Variants in MLF2 observed in about 807,000 individuals in gnomAD.
The protein encoded by MLF2 is myelodysplasia-myeloid leukemia factor 2.
In MLF2, 12 loss-of-function variants were observed where a neutral mutation model predicts 31.4. The ratio of observed to expected loss-of-function variants is 0.38; its 90% confidence interval spans 0.24 to 0.62. MLF2 has a LOEUF of 0.62. Ranked by LOEUF, MLF2 falls within the 20% of genes least tolerant of loss-of-function variation. MLF2 has a pLI of 0.58. For synonymous variants in MLF2, 109 were observed against 118.8 expected, an observed-to-expected ratio of 0.92 and a Z score of 0.54; for missense variants, 272 against 359.7, an observed-to-expected ratio of 0.76 and a Z score of 1.97.
chr12:6,750,762 C>A lies in MLF2; in HGVS notation c.221G>T (p.Gly74Val). Residue 74 changes from glycine to valine, a missense_variant, in exon 5 of 9, where the codon GGT becomes GTT. Physicochemically the swap from Gly to Val is moderately radical, Grantham distance 109 (BLOSUM62 -3). Transcript: ENST00000203630. The surrounding 1 kb of genome is among the most constrained non-coding windows in gnomAD (Gnocchi z 5.3). ...VSPFGMLGMS[G>V]GFMDMFGMMN... ...CATCCCAAACATGTCCATGAAACCACCCGACTGGAGGAAAGAGATGGAAAA... is the reference window on the plus strand; with the variant it reads ...CATCCCAAACATGTCCATGAAACCAACCGACTGGAGGAAAGAGATGGAAAA... 1 of 1,613,978 alleles carries A rather than the reference C, an allele frequency of 6.2e-7. No individual in the cohort carries two copies. The highest frequency in any genetic ancestry group is 8.5e-7 in the Non-Finnish European group (1 of 1,179,934).
Position 6,749,014 on chromosome 12 carries a change from G to T in MLF2, c.560-32C>A, listed in dbSNP as rs1489322230. The T allele has an allele frequency of 3.3e-6, 5 of 1,517,268 alleles. No homozygotes were observed. Among genetic ancestry groups the T allele is most frequent in the Non-Finnish European group, 3.5e-6 (4 of 1,141,206 alleles). The allele number at this position is 1,517,268 out of a possible 1,614,324, so 94.0% of individuals were successfully genotyped here. A position where few individuals can be genotyped will look rare whatever the true frequency, so the allele number is the denominator to read the frequency against. On this transcript the variant is annotated intron_variant, in intron 7 of 8. Transcript: ENST00000203630. The surrounding 1 kb of genome is among the most constrained non-coding windows in gnomAD (Gnocchi z 5.3). ...AGGACAGAGCGGACATGAGGCCTGT[G>T]TGCGGCCTGGCTCCTGGAGGCCGAT...
Position 6,748,961 on chromosome 12 carries a change from T to A in MLF2, c.581A>T (p.Asp194Val), listed in dbSNP as rs1434896717. The A allele has an allele frequency of 6.2e-7, 1 of 1,600,248 alleles. No individual in the cohort carries two copies. The highest frequency in any genetic ancestry group is 8.5e-7 in the Non-Finnish European group (1 of 1,174,080). Reference sequence around the variant, plus strand: ...TCGGGAGGTCTCCCGCCGCCACTCGTCATCAAACGCTGCGGCCTCACCTGG... The same window carrying A: ...TCGGGAGGTCTCCCGCCGCCACTCGACATCAAACGCTGCGGCCTCACCTGG... Reference protein sequence around the residue: ...LDESEAAAFDDEWRRETSRFR... With the variant: ...LDESEAAAFDVEWRRETSRFR... Residue 194 changes from aspartate to valine, a missense_variant, in exon 8 of 9, where the codon GAC becomes GTC. By Grantham distance (152) the Asp-to-Val change is radical. Transcript: ENST00000203630. This position sits in a 1 kb window ranked among gnomAD's most constrained non-coding sequence, Gnocchi z 4.6.
rs910948470 is a variant in MLF2, at chr12:6,750,456, T to C, written c.271-151A>G. The C allele has an allele frequency of 2.7e-6, 3 of 1,097,074 alleles. No homozygotes were observed. Among genetic ancestry groups the C allele is most frequent in the Non-Finnish European group, 2.6e-6 (2 of 775,414 alleles). The allele number at this position is 1,097,074 out of a possible 1,614,324, so 68.0% of individuals were successfully genotyped here. The stretch of plus-strand genomic sequence containing the variant: ...CAGGCCTCATCATTACCCTCCCAAA[T>C]TCCTCTGAGTCCAACCACGAGCAAG... On this transcript the variant is annotated intron_variant, in intron 5 of 8. Transcript: ENST00000203630. The surrounding 1 kb of genome is among the most constrained non-coding windows in gnomAD (Gnocchi z 5.3).
Position 6,748,746 on chromosome 12 carries a change from A to AC in MLF2, c.*25+23dup. 2 of 1,462,440 alleles carry AC rather than the reference A, an allele frequency of 1.4e-6. No homozygotes were observed. Among genetic ancestry groups the AC allele is most frequent in the Non-Finnish European group, 1.8e-6 (2 of 1,109,352 alleles). 90.6% of individuals were successfully genotyped at this position (1,462,440 alleles called of 1,614,324 possible). A position where few individuals can be genotyped will look rare whatever the true frequency, so the allele number is the denominator to read the frequency against. On this transcript the variant is annotated intron_variant, in intron 8 of 8. Coordinates refer to ENST00000203630, the MANE Select transcript of MLF2 (RefSeq NM_001382226.1). The surrounding 1 kb of genome is among the most constrained non-coding windows in gnomAD (Gnocchi z 4.6). The stretch of plus-strand genomic sequence containing the variant: ...CGAGGACCGTCCGCAGGTGCACCCC[A>AC]CCCTCCTTACTCCTGATACTTACAA...
chr12:6,750,546 G>T lies in MLF2; in HGVS notation c.270+167C>A. The T allele has an allele frequency of 1.1e-6, 1 of 929,168 alleles. No homozygotes were observed. The highest frequency in any genetic ancestry group is 1.6e-6 in the Non-Finnish European group (1 of 611,600). The allele number at this position is 929,168 out of a possible 1,614,324, so 57.6% of individuals were successfully genotyped here. On this transcript the variant is annotated intron_variant, in intron 5 of 8. Transcript: ENST00000203630. The surrounding 1 kb of genome is among the most constrained non-coding windows in gnomAD (Gnocchi z 5.3). The stretch of plus-strand genomic sequence containing the variant: ...AAGAGAGCTGCTGCCGGCTGCTTCA[G>T]GCAGGCATGACAGCAGGTACAGGGT...
rs1361309172 is a variant in MLF2, at chr12:6,749,304, G to T, written c.560-322C>A. 8.5e-6 allele frequency among the ~76,000 whole-genome samples: 1 copy of T among 117,536 alleles called. No homozygotes were observed. 77.1% of individuals were successfully genotyped at this position (117,536 alleles called of 152,430 possible). A position where few individuals can be genotyped will look rare whatever the true frequency, so the allele number is the denominator to read the frequency against. On this transcript the variant is annotated intron_variant, in intron 7 of 8. Transcript: ENST00000203630. This position sits in a 1 kb window ranked among gnomAD's most constrained non-coding sequence, Gnocchi z 5.3. The stretch of plus-strand genomic sequence containing the variant: ...GGGGAGAAAGAAACGGATCAAGGTG[G>T]AGAAGGGTGTAACACTATCAATACG...
At position 6,751,628 on chromosome 12, in the gene MLF2, G is replaced by A; in HGVS notation, c.216+13C>T. On this transcript the variant is annotated intron_variant, in intron 4 of 8. Coordinates refer to ENST00000203630, the MANE Select transcript of MLF2 (RefSeq NM_001382226.1). ...TGTCTGAGATGGAAGGACACAGGGA[G>A]ATAAAGACTCACCATTCCCAGCATC... The A allele has an allele frequency of 6.2e-7, 1 of 1,612,840 alleles. No individual in the cohort carries two copies. The highest frequency in any genetic ancestry group is 8.5e-7 in the Non-Finnish European group (1 of 1,178,806).
At chr12:6,751,717 CTA>C in intron 3 of MLF2, 41 bp from the exon 4 acceptor site, 1 of 1,611,416 alleles carries the variant, frequency 6.2e-7, no homozygotes, top group African/African-American at 1.3e-5. Context: ...AGACCACATC[CTA>C]TCTCTTTACA....
chr12:6,752,241 C>T lies in MLF2; in HGVS notation c.50+44G>A, dbSNP rs777826911. 14 of 1,555,182 alleles carry T rather than the reference C, an allele frequency of 9.0e-6. No individual in the cohort carries two copies. The South Asian group carries it at 1.7e-4, about 18-fold the overall frequency. On this transcript the variant is annotated intron_variant, in intron 2 of 8. Transcript: ENST00000203630. The surrounding 1 kb of genome is among the most constrained non-coding windows in gnomAD (Gnocchi z 4.6). ...AACCCCGATGTCTGCCTGAACTGCT[C>T]AGAGACCTGGAGTGGGAGAGCTTGA... is the stretch of plus-strand genomic sequence containing the variant.
In MLF2 at chr12:6,749,707, G is replaced by C. The variant is rs1941581544; in HGVS notation, c.559+141C>G. The C allele has an allele frequency of 2.5e-6, 3 of 1,186,262 alleles. No homozygotes were observed. Among genetic ancestry groups the C allele is most frequent in the South Asian group, 1.5e-5 (1 of 67,270 alleles). The allele number at this position is 1,186,262 out of a possible 1,614,324, so 73.5% of individuals were successfully genotyped here. ...TCCAGCCTGGGCACCTGGGCAACAA[G>C]AGCGAGACTCCATCTCAAAAAAAAA... On this transcript the variant is annotated intron_variant, in intron 7 of 8. Coordinates refer to ENST00000203630, the MANE Select transcript of MLF2 (RefSeq NM_001382226.1). This position sits in a 1 kb window ranked among gnomAD's most constrained non-coding sequence, Gnocchi z 5.3.
Position 6,752,264 on chromosome 12 carries a change from T to C in MLF2, c.50+21A>G, listed in dbSNP as rs1245495949. 6.4e-7 allele frequency: 1 copy of C among 1,558,872 alleles called. No individual in the cohort carries two copies. The highest frequency in any genetic ancestry group is 1.9e-5 in the Admixed American group (1 of 51,768). ...CTCAGAGACCTGGAGTGGGAGAGCT[T>C]GAGGGGGAGGGAATACTCACATCAG... On this transcript the variant is annotated intron_variant, in intron 2 of 8. Transcript: ENST00000203630. The surrounding 1 kb of genome is among the most constrained non-coding windows in gnomAD (Gnocchi z 4.6).
In MLF2 at chr12:6,753,001, T is replaced by A. The variant is rs1325833959; in HGVS notation, c.-91A>T. ...TTTCGCTTCCCGGTACGCTGCAGGG[T>A]CAGGGTCGCGGCCCGGAACGTGGGG... On this transcript the variant is annotated 5_prime_UTR_variant, in exon 1 of 9. Transcript: ENST00000203630. 8.6e-5 allele frequency: 28 copies of A among 323,742 alleles called. 1 individual carries two copies. Among genetic ancestry groups the A allele is most frequent in the East Asian group, 7.1e-4 (15 of 21,218 alleles). The allele number at this position is 323,742 out of a possible 1,614,324, so 20.1% of individuals were successfully genotyped here. A position where few individuals can be genotyped will look rare whatever the true frequency, so the allele number is the denominator to read the frequency against.
chr12:6,749,698 G>C lies in MLF2; in HGVS notation c.559+150C>G. 2 of 1,108,516 alleles carry C rather than the reference G, an allele frequency of 1.8e-6. No individual in the cohort carries two copies. Among genetic ancestry groups the C allele is most frequent in the South Asian group, 1.5e-5 (1 of 64,756 alleles). 68.7% of individuals were successfully genotyped at this position (1,108,516 alleles called of 1,614,324 possible). A position where few individuals can be genotyped will look rare whatever the true frequency, so the allele number is the denominator to read the frequency against. On this transcript the variant is annotated intron_variant, in intron 7 of 8. Coordinates refer to ENST00000203630, the MANE Select transcript of MLF2 (RefSeq NM_001382226.1). This position sits in a 1 kb window ranked among gnomAD's most constrained non-coding sequence, Gnocchi z 5.3. Reference sequence around the variant, plus strand: ...CCACTGCACTCCAGCCTGGGCACCTGGGCAACAAGAGCGAGACTCCATCTC... The same window carrying C: ...CCACTGCACTCCAGCCTGGGCACCTCGGCAACAAGAGCGAGACTCCATCTC...
chr12:6,752,064 G>A lies in MLF2; in HGVS notation c.51-10C>T. ...AATAGCAAAGGGATCCCTGTGGAGT[G>A]AGCACATAGTATGGATGGCAGAAGC... is the stretch of plus-strand genomic sequence containing the variant. On this transcript the variant is annotated splice_polypyrimidine_tract_variant and intron_variant, in intron 2 of 8. Transcript: ENST00000203630. The surrounding 1 kb of genome is among the most constrained non-coding windows in gnomAD (Gnocchi z 4.6). 6.2e-7 allele frequency: 1 copy of A among 1,614,064 alleles called. No homozygotes were observed. The highest frequency in any genetic ancestry group is 8.5e-7 in the Non-Finnish European group (1 of 1,179,996).
Position 6,751,927 on chromosome 12 carries a change from G to A in MLF2, c.178C>T (p.Gln60Ter). 1.2e-6 allele frequency: 2 copies of A among 1,614,108 alleles called. No individual in the cohort carries two copies. The highest frequency in any genetic ancestry group is 1.7e-6 in the Non-Finnish European group (2 of 1,180,006). ...GTRPASRRMQ[Q>*]AGAVSPFGML... ...CAGGTGTGTCTCAGCATCATTACCT[G>A]CTGCATCCGGCGGCTGGCAGGCCTG... The change falls in exon 3 of 9, where the codon CAG becomes TAG. Residue 60 changes from glutamine (Q) to a stop codon, truncating the protein, a stop_gained and splice_region_variant. Coordinates refer to ENST00000203630, the MANE Select transcript of MLF2 (RefSeq NM_001382226.1). LOFTEE classifies it high-confidence loss of function.
rs1177167996 is a variant in MLF2, at chr12:6,752,075, A to T, written c.51-21T>A. Reference sequence around the variant, plus strand: ...GATCCCTGTGGAGTGAGCACATAGTATGGATGGCAGAAGCGCCAAACTGTC... The same window carrying T: ...GATCCCTGTGGAGTGAGCACATAGTTTGGATGGCAGAAGCGCCAAACTGTC... On this transcript the variant is annotated intron_variant, in intron 2 of 8. Coordinates refer to ENST00000203630, the MANE Select transcript of MLF2 (RefSeq NM_001382226.1). The surrounding 1 kb of genome is among the most constrained non-coding windows in gnomAD (Gnocchi z 4.6). 6.2e-7 allele frequency: 1 copy of T among 1,613,798 alleles called. No individual in the cohort carries two copies.
Position 6,748,708 on chromosome 12 carries a change from C to A in MLF2, c.*25+62G>T, listed in dbSNP as rs73268812. 4.6e-3 allele frequency: 6,018 copies of A among 1,313,412 alleles called. 220 individuals are homozygous for A. The African/African-American group carries it at 0.077, about 17-fold the overall frequency. The allele number at this position is 1,313,412 out of a possible 1,614,324, so 81.4% of individuals were successfully genotyped here. A position where few individuals can be genotyped will look rare whatever the true frequency, so the allele number is the denominator to read the frequency against. ...AGCTCCTGCGGGAGCCTGAACTGAG[C>A]CTGCCTTGCAGCCGAGGACCGTCCG... On this transcript the variant is annotated intron_variant, in intron 8 of 8. Transcript: ENST00000203630. This position sits in a 1 kb window ranked among gnomAD's most constrained non-coding sequence, Gnocchi z 4.6.
At position 6,752,161 on chromosome 12, in the gene MLF2, T is replaced by C; in HGVS notation, c.51-107A>G. 1 of 1,566,346 alleles carries C rather than the reference T, an allele frequency of 6.4e-7. No individual in the cohort carries two copies. The highest frequency in any genetic ancestry group is 1.4e-5 in the African/African-American group (1 of 73,930). ...AGCAACAGTGGCACCGATGCCTACTTCCTGCTAGGTAGGAGCTAGGTATCC... is the reference window on the plus strand; with the variant it reads ...AGCAACAGTGGCACCGATGCCTACTCCCTGCTAGGTAGGAGCTAGGTATCC... On this transcript the variant is annotated intron_variant, in intron 2 of 8. Coordinates refer to ENST00000203630, the MANE Select transcript of MLF2 (RefSeq NM_001382226.1). The surrounding 1 kb of genome is among the most constrained non-coding windows in gnomAD (Gnocchi z 4.6).
chr12:6,749,758 G>C lies in MLF2; in HGVS notation c.559+90C>G. On this transcript the variant is annotated intron_variant, in intron 7 of 8. Transcript: ENST00000203630. This position sits in a 1 kb window ranked among gnomAD's most constrained non-coding sequence, Gnocchi z 5.3. ...AAAAAAGGAATATGGGGCTGACCCA[G>C]AGCTTTGCCCCAGAAGTGTCTATGT... 1 of 1,476,990 alleles carries C rather than the reference G, an allele frequency of 6.8e-7. No homozygotes were observed. Among genetic ancestry groups the C allele is most frequent in the Non-Finnish European group, 9.3e-7 (1 of 1,075,554 alleles). The allele number at this position is 1,476,990 out of a possible 1,614,324, so 91.5% of individuals were successfully genotyped here. A position where few individuals can be genotyped will look rare whatever the true frequency, so the allele number is the denominator to read the frequency against.
Sources: gnomAD v4.1 joint callset for allele counts (sites outside exome capture counted in the v4.1 genomes callset) on GRCh38, gnomAD v4.1.1 for gene constraint, Gnocchi (gnomAD v3.1) non-coding constraint, MANE v1.5 for transcripts, NCBI Gene and HGNC (gene_info 2026-07-23, HGNC 2026-07-21) for gene names.